CACNA1I: variants seen among roughly 807,000 people sequenced by gnomAD.
The protein encoded by CACNA1I is calcium voltage-gated channel subunit alpha1 I, also known as voltage-dependent T-type calcium channel subunit alpha-1I.
In CACNA1I, 74 loss-of-function variants were observed where a neutral mutation model predicts 201.6. The ratio of observed to expected loss-of-function variants is 0.37; its 90% CI spans 0.30 to 0.45. The LOEUF (loss-of-function observed/expected upper bound fraction) is 0.45. Among genes scored for constraint, CACNA1I ranks in the 20% least tolerant of loss-of-function variants. The pLI is 1.00. For synonymous variants in CACNA1I, 1,431 were observed against 1,345.2 expected (o/e 1.06, Z -1.40); for missense variants, 2,346 against 3,138.1 (o/e 0.75, Z 6.03).
chr22:39,575,505 A>G (rs1265468822), intron 1 of CACNA1I, among the ~76,000 whole-genome samples: 2 of 152,130 alleles, frequency 1.3e-5, no homozygotes, highest in Admixed American at 1.3e-4. Flanking sequence ...TGTAGATTCA[A>G]TTAGACATTG....
intron 7 of CACNA1I, among the ~76,000 whole-genome samples, chr22:39,645,207 G>A (rs542621839): frequency 3.1e-4 from 47 of 151,758 alleles, no homozygotes; most frequent in Non-Finnish European, 5.2e-4. Flanking sequence ...GGCTGGTCTC[G>A]AACTCCTGAC....
Position 39,653,590 on chromosome 22 carries a change from A to G in CACNA1I, c.1992+3665A>G, listed in dbSNP as rs9623034. ...TCAGCCCTTCTCCTGCAGGGGAGGCAGCATGGGGGGCCTTGCCCCATACCC... is the reference window on the plus strand; with the variant it reads ...TCAGCCCTTCTCCTGCAGGGGAGGCGGCATGGGGGGCCTTGCCCCATACCC... On this transcript the variant is annotated intron_variant, in intron 10 of 36. Coordinates refer to ENST00000402142, the MANE Select transcript of CACNA1I (RefSeq NM_021096.4). Among the ~76,000 whole-genome samples the G allele has an allele frequency of 5.7e-3, 866 of 152,300 alleles. 9 individuals carry two copies. The highest frequency in any genetic ancestry group is 0.02 in the African/African-American group (818 of 41,560).
chr22:39,638,177 C>T (rs1004194871), intron 5 of CACNA1I, among the ~76,000 whole-genome samples: 7 of 152,128 alleles, frequency 4.6e-5, no homozygotes, highest in East Asian at 3.9e-4. Context: ...TGACCTCAAG[C>T]GATCCACCCA....
chr22:39,624,376 A>G (rs537786253), intron 4 of CACNA1I, among the ~76,000 whole-genome samples: 2 of 152,246 alleles, frequency 1.3e-5, no homozygotes, highest in African/African-American at 4.8e-5. Context: ...TGTGCCCAAC[A>G]TCCCCCTGCG....
intron 10 of CACNA1I, among the ~76,000 whole-genome samples, chr22:39,655,165 T>C (rs1037666129): frequency 4.6e-5 from 7 of 152,122 alleles, no homozygotes; most frequent in African/African-American, 1.7e-4. Flanking sequence ...GAGGAGATAA[T>C]GCATGGGGCG....
At chr22:39,612,260 T>C (rs2146383967) in intron 3 of CACNA1I, among the ~76,000 whole-genome samples, 1 of 152,300 alleles carries the variant, frequency 6.6e-6, no homozygotes, top group East Asian at 1.9e-4. Context: ...CCTCGCCAGA[T>C]GCAGCTCCTT....
chr22:39,612,409 A>G (rs1933410420), intron 3 of CACNA1I, among the ~76,000 whole-genome samples: 1 of 152,160 alleles, frequency 6.6e-6, no homozygotes, highest in African/African-American at 2.4e-5. Context: ...GGGGTGCTCT[A>G]ACAAAATACC....
At chr22:39,631,125 C>T (rs1457108675) in intron 4 of CACNA1I, among the ~76,000 whole-genome samples, 1 of 152,168 alleles carries the variant, frequency 6.6e-6, no homozygotes, top group South Asian at 2.1e-4. Flanking sequence ...GTCCTGGCCC[C>T]GTGGTATTCC....
At position 39,644,676 on chromosome 22, in the gene CACNA1I, T is replaced by TTTTC. The variant is rs1246957564; in HGVS notation, c.1149+1795_1149+1798dup. On this transcript the variant is annotated intron_variant, in intron 7 of 36. Transcript: ENST00000402142. ...CAGGCCCTAGTGCTCCTTCTTTAAA[T>TTTTC]TTTCTTTCTTTTTTTTTTTTTTAAT... 9.9e-5 allele frequency among the ~76,000 whole-genome samples: 15 copies of TTTTC among 151,944 alleles called. No homozygotes were observed. In the East Asian group the frequency reaches 2.9e-3, roughly 29 times the overall value.
intron 19 of CACNA1I, 68 bp downstream of exon 19, chr22:39,663,909 G>T: frequency 6.3e-7 from 1 of 1,597,146 alleles, no homozygotes; most frequent in Non-Finnish European, 8.5e-7. Context: ...GGCTGAGCAG[G>T]GCAGGGAGAC....
chr22:39,588,171 C>T (rs548994326), intron 1 of CACNA1I, among the ~76,000 whole-genome samples: 2 of 119,046 alleles, frequency 1.7e-5, no homozygotes, highest in Non-Finnish European at 3.3e-5. Flanking sequence ...CTTGCTCTGT[C>T]ACCCAGGCTG....
chr22:39,689,046 C>A lies in CACNA1I; in HGVS notation c.*2641C>A, dbSNP rs548025245. The A allele has an allele frequency of 6.5e-6, 1 of 152,762 alleles. No individual in the cohort carries two copies. Among genetic ancestry groups the A allele is most frequent in the Non-Finnish European group, 1.5e-5 (1 of 68,102 alleles). 9.5% of individuals were successfully genotyped at this position (152,762 alleles called of 1,614,324 possible). A position where few individuals can be genotyped will look rare whatever the true frequency, so the allele number is the denominator to read the frequency against. The stretch of plus-strand genomic sequence containing the variant: ...ACATGGGTGAGGGTTGGGCAAAGGG[C>A]CCTTCCTTCCTCCCCAACCCTGTGG... On this transcript the variant is annotated 3_prime_UTR_variant, in exon 37 of 37. Transcript: ENST00000402142.
intron 2 of CACNA1I, among the ~76,000 whole-genome samples, chr22:39,599,710 C>G (rs549333170): frequency 6.6e-6 from 1 of 151,592 alleles, no homozygotes; most frequent in East Asian, 1.9e-4. Flanking sequence ...GTCTGGGGTC[C>G]GAGTGGGTAA....
At position 39,666,147 on chromosome 22, in the gene CACNA1I, C is replaced by A; in HGVS notation, c.4104+141C>A. ...CTCCAAGCCTCAGTTTCCTCTTCTG[C>A]AAAATGGGTAAGGGTAGCACTCACC... On this transcript the variant is annotated intron_variant, in intron 23 of 36. Coordinates refer to ENST00000402142, the MANE Select transcript of CACNA1I (RefSeq NM_021096.4). This position sits in a 1 kb window ranked among gnomAD's most constrained non-coding sequence, Gnocchi z 4.1. 3 of 1,093,238 alleles carry A rather than the reference C, an allele frequency of 2.7e-6. No homozygotes were observed. The highest frequency in any genetic ancestry group is 4.0e-6 in the Non-Finnish European group (3 of 756,890). The allele number at this position is 1,093,238 out of a possible 1,614,324, so 67.7% of individuals were successfully genotyped here.
Position 39,659,043 on chromosome 22 carries a change from G to T in CACNA1I, c.2257G>T (p.Val753Leu). The T allele has an allele frequency of 6.2e-7, 1 of 1,613,230 alleles. No individual in the cohort carries two copies. Residue 753 changes from valine to leucine, a missense_variant, in exon 12 of 37, where the codon GTG (valine) becomes TTG (leucine). Physicochemically the swap from Val to Leu is conservative, Grantham distance 32. Around this residue, in one of 13 missense-constraint regions of CACNA1I, gnomAD observed 155 missense variants for 300.8 expected, o/e 0.52. Transcript: ENST00000402142. The surrounding 1 kb of genome is among the most constrained non-coding windows in gnomAD (Gnocchi z 4.3). ...RFMPALRRQL[V>L]VLMKTMDNVA... ...CATGCCTGCCCTGCGGCGCCAGCTCGTGGTGCTCATGAAGACCATGGACAA... is the reference window on the plus strand; with the variant it reads ...CATGCCTGCCCTGCGGCGCCAGCTCTTGGTGCTCATGAAGACCATGGACAA...
Position 39,684,588 on chromosome 22 carries a change from G to A in CACNA1I, c.6027+90G>A. On this transcript the variant is annotated intron_variant, in intron 36 of 36. Transcript: ENST00000402142. This position sits in a 1 kb window ranked among gnomAD's most constrained non-coding sequence, Gnocchi z 4.6. ...CTGGAAGTCCAAGGGACTGGGAGGGGAAGGACCCAACCAAAGGCCGAGGGC... is the reference window on the plus strand; with the variant it reads ...CTGGAAGTCCAAGGGACTGGGAGGGAAAGGACCCAACCAAAGGCCGAGGGC... 3 of 1,425,486 alleles carry A rather than the reference G, an allele frequency of 2.1e-6. No individual in the cohort carries two copies. The highest frequency in any genetic ancestry group is 2.9e-6 in the Non-Finnish European group (3 of 1,032,810). The allele number at this position is 1,425,486 out of a possible 1,614,324, so 88.3% of individuals were successfully genotyped here.
At chr22:39,591,505 T>C (rs759699914) in intron 1 of CACNA1I, among the ~76,000 whole-genome samples, 5 of 152,088 alleles carry the variant, frequency 3.3e-5, no homozygotes, top group Non-Finnish European at 7.3e-5. Flanking sequence ...AGATTCAGTA[T>C]GCTGCAGGAC....
intron 1 of CACNA1I, among the ~76,000 whole-genome samples, chr22:39,575,941 A>AT (rs1382713098): frequency 3.3e-5 from 5 of 152,006 alleles, no homozygotes; most frequent in East Asian, 1.9e-4. Flanking sequence ...TGCCGGGCTA[A>AT]TTTTGAATTT....
chr22:39,614,763 T>C (rs1208256081), intron 3 of CACNA1I, among the ~76,000 whole-genome samples: 5 of 152,000 alleles, frequency 3.3e-5, no homozygotes, highest in Admixed American at 1.3e-4. Context: ...TGGGAAGAAA[T>C]GGTGTCCACC....
Sources: gnomAD v4.1 joint callset for allele counts (sites outside exome capture counted in the v4.1 genomes callset) on GRCh38, gnomAD v4.1.1 for gene constraint, gnomAD v4.1.1 regional missense constraint, Gnocchi (gnomAD v3.1) non-coding constraint, MANE v1.5 for transcripts, NCBI Gene and HGNC (gene_info 2026-07-23, HGNC 2026-07-21) for gene names.